ERICH2: variants seen among roughly 807,000 people sequenced by gnomAD.
The protein encoded by ERICH2 is glutamate-rich protein 2.
Under a neutral mutation model 17.4 loss-of-function variants are expected in ERICH2, and 17 were observed. That is an observed-to-expected ratio of 0.98 (90% confidence interval 0.67 to 1.47). The LOEUF is 1.47. Among genes scored for constraint, ERICH2 ranks in the 40% most tolerant of loss-of-function variants. ERICH2 has a pLI of 0.00. For synonymous variants in ERICH2, 51 were observed against 61.1 expected, an observed-to-expected ratio of 0.83 and a Z score of 0.77; for missense variants, 186 against 183.2, an observed-to-expected ratio of 1.01 and a Z score of -0.09.
At chr2:170,773,072 C>T in the ERICH2 span, among the ~76,000 whole-genome samples, 1 of 151,946 alleles carries the variant, frequency 6.6e-6, no homozygotes, top group African/African-American at 2.4e-5. Context: ...CCAAATAATA[C>T]CAACTGGGGA....
intron 2 of ERICH2, among the ~76,000 whole-genome samples, chr2:170,788,025 T>C (rs1701195940): frequency 6.6e-6 from 1 of 152,226 alleles, no homozygotes; most frequent in Admixed American, 6.5e-5. Context: ...AAATAAAAAA[T>C]GCTTATGTAC....
intron 2 of ERICH2, among the ~76,000 whole-genome samples, chr2:170,786,312 ATT>A (rs143668320): frequency 3.3e-5 from 5 of 150,244 alleles, no homozygotes; most frequent in Admixed American, 6.6e-5. Flanking sequence ...GATTGCCAAG[ATT>A]TTTTTTTTAG....
upstream of ERICH2, chr2:170,779,825 C>T: frequency 4.1e-6 from 4 of 984,770 alleles, no homozygotes; most frequent in Non-Finnish European, 4.8e-6. Context: ...CCAAGATTGA[C>T]AAGCAAACTT....
chr2:170,770,490 A>G, the ERICH2 span, among the ~76,000 whole-genome samples: 1 of 152,150 alleles, frequency 6.6e-6, no homozygotes, highest in Non-Finnish European at 1.5e-5. Flanking sequence ...ACTGGCGTCC[A>G]GGGACTCCCC....
chr2:170,797,700 G>A (rs1406342958), intron 3 of ERICH2, among the ~76,000 whole-genome samples: 2 of 151,058 alleles, frequency 1.3e-5, no homozygotes, highest in African/African-American at 2.4e-5. Context: ...ACTGAGGCAC[G>A]AGAATCACTT....
intron 2 of ERICH2, among the ~76,000 whole-genome samples, chr2:170,791,267 T>C (rs1244412121): frequency 6.6e-6 from 1 of 152,106 alleles, no homozygotes. Flanking sequence ...AAGAATTCTA[T>C]TGCATGAGTT....
Position 170,784,670 on chromosome 2 carries a change from T to C in ERICH2, c.53T>C (p.Ile18Thr), listed in dbSNP as rs770696560. The change falls in exon 2 of 5, where the codon ATT (isoleucine) becomes ACT (threonine). Residue 18 changes from isoleucine (I) to threonine (T), a missense_variant. Transcript: ENST00000409885. ...GGTGAAGTGAGCAAAGATGCAGTCA[T>C]TGTAAAGCAGGAGAAAAATAATGAA... The C allele has an allele frequency of 2.6e-5, 40 of 1,534,186 alleles. 2 individuals are homozygous for C. The South Asian group carries it at 5.0e-4, about 19-fold the overall frequency.
upstream of ERICH2, chr2:170,779,746 TA>T: frequency 1.4e-6 from 1 of 705,070 alleles, no homozygotes; most frequent in Non-Finnish European, 1.7e-6. Context: ...TCACCTTTTC[TA>T]AAATGAATAA....
At chr2:170,798,823 G>C (rs1575413992) in exon 5 of ERICH2, 1 of 1,550,696 alleles carries the variant, frequency 6.4e-7, no homozygotes, top group Admixed American at 2.0e-5. Context: ...AGACAGCAGT[G>C]GTGAGAGTAA....
intron 1 of ERICH2, chr2:170,783,983 C>T (rs1701086512): frequency 2.8e-6 from 4 of 1,408,402 alleles, no homozygotes; most frequent in East Asian, 2.5e-5. Context: ...ATTAGTTTTA[C>T]CTTTTTTTGT....
upstream of ERICH2, among the ~76,000 whole-genome samples, chr2:170,781,679 G>T (rs1435780648): frequency 1.1e-5 from 1 of 94,844 alleles, no homozygotes; most frequent in African/African-American, 2.9e-5. Flanking sequence ...CAAGCATAGG[G>T]TGCTGTCTTT....
chr2:170,776,566 C>T, the ERICH2 span, among the ~76,000 whole-genome samples: 8 of 151,976 alleles, frequency 5.3e-5, no homozygotes, highest in Middle Eastern at 3.2e-3. Context: ...TTAGTAGAGA[C>T]GGGGTTTCGC....
At chr2:170,783,130 AAAAATAAATAAAAAT>A (rs1443489340), upstream of ERICH2, 6 of 138,814 alleles carry the variant, frequency 4.3e-5, no homozygotes, top group South Asian at 2.5e-4. Context: ...AATTAAAAAT[AAAAATAAATAAAAAT>A]AAAATAAAAA....
chr2:170,798,826 G>T lies in ERICH2; in HGVS notation c.403G>T (p.Glu135Ter), dbSNP rs1701492747. 1 of 1,550,572 alleles carries T rather than the reference G, an allele frequency of 6.4e-7. No individual in the cohort carries two copies. The highest frequency in any genetic ancestry group is 8.7e-7 in the Non-Finnish European group (1 of 1,146,998). Residue 135 changes from glutamate to a stop codon, truncating the protein, a stop_gained, in exon 5 of 5, where the codon GAG becomes TAG. Transcript: ENST00000409885. LOFTEE classifies it high-confidence loss of function. ...AAACAGTGATGAAGACAGCAGTGGT[G>T]AGAGTAAAGGAGAAAGCGATGAGGA...
upstream of ERICH2, among the ~76,000 whole-genome samples, chr2:170,779,026 TC>T (rs1205753121): frequency 6.6e-6 from 1 of 152,212 alleles, no homozygotes; most frequent in Non-Finnish European, 1.5e-5. Flanking sequence ...AATGATCATT[TC>T]CCTTTAATTT....
At chr2:170,784,680 G>T in exon 2 of ERICH2, 2 of 1,538,620 alleles carry the variant, frequency 1.3e-6, no homozygotes, top group Non-Finnish European at 1.8e-6. Context: ...TTGTAAAGCA[G>T]GAGAAAAATA....
upstream of ERICH2, among the ~76,000 whole-genome samples, chr2:170,778,903 C>T (rs1013252610): frequency 6.4e-4 from 97 of 152,068 alleles, 3 homozygotes; most frequent in African/African-American, 4.8e-5. Flanking sequence ...AGATAAACCC[C>T]GGGGATAAAT....
chr2:170,785,510 A>T (rs751883466), intron 2 of ERICH2, among the ~76,000 whole-genome samples: 1 of 152,136 alleles, frequency 6.6e-6, no homozygotes, highest in Non-Finnish European at 1.5e-5. Flanking sequence ...AGAAATAAAT[A>T]AGAGAGACAT....
At chr2:170,796,578 A>G (rs1483858936) in intron 3 of ERICH2, among the ~76,000 whole-genome samples, 6 of 151,866 alleles carry the variant, frequency 4.0e-5, no homozygotes, top group African/African-American at 9.7e-5. Flanking sequence ...TGGGACTACA[A>G]GCACGTGTTA....
Sources: allele counts gnomAD v4.1 joint callset (sites outside exome capture counted in the v4.1 genomes callset), GRCh38; gene constraint gnomAD v4.1.1; transcripts MANE v1.5; gene names NCBI Gene and HGNC (gene_info 2026-07-23, HGNC 2026-07-21).